The following PVT1 variants were observed in gnomAD, a reference collection of about 807,000 sequenced individuals.
The protein encoded by PVT1 is CXCR4/PVT1 fusion.
chr8:127,956,223 G>A (rs563720587), intron 3 of PVT1, among the ~76,000 whole-genome samples: 2 of 152,394 alleles, frequency 1.3e-5, no homozygotes, highest in South Asian at 4.1e-4. Context: ...TTGTTCCACA[G>A]GAAGGATGGT....
chr8:127,941,760 T>A (rs1055098955), intron 3 of PVT1, among the ~76,000 whole-genome samples: 2 of 152,258 alleles, frequency 1.3e-5, no homozygotes, highest in African/African-American at 4.8e-5. Flanking sequence ...TGCATGTCTT[T>A]CCAGGCCACA....
chr8:127,997,888 A>T (rs938545069), intron 4 of PVT1, among the ~76,000 whole-genome samples: 27 of 152,044 alleles, frequency 1.8e-4, no homozygotes, highest in African/African-American at 6.3e-4. Flanking sequence ...GCTTTCTCAG[A>T]CTCTCCTGGT....
intron 3 of PVT1, among the ~76,000 whole-genome samples, chr8:127,935,373 G>A (rs888760376): frequency 5.3e-5 from 8 of 152,046 alleles, no homozygotes; most frequent in Admixed American, 5.2e-4. Context: ...AGGGGTTTTT[G>A]TCTGCTTTTG....
chr8:127,882,293 C>G (rs980537764), intron 2 of PVT1, among the ~76,000 whole-genome samples: 1 of 152,088 alleles, frequency 6.6e-6, no homozygotes, highest in Non-Finnish European at 1.5e-5. Flanking sequence ...AAAAATAGAG[C>G]CTGTCAGCGG....
At chr8:127,843,240 C>A (rs1333960912) in intron 2 of PVT1, among the ~76,000 whole-genome samples, 1 of 151,770 alleles carries the variant, frequency 6.6e-6, no homozygotes, top group African/African-American at 2.4e-5. Flanking sequence ...CCTGTAATCC[C>A]AGCTACTCAG....
chr8:128,082,542 A>G (rs1586511914), intron 5 of PVT1, among the ~76,000 whole-genome samples: 2 of 152,192 alleles, frequency 1.3e-5, no homozygotes, highest in African/African-American at 4.8e-5. Flanking sequence ...GAACATCAAT[A>G]TGTTCAAAGG....
At chr8:127,948,184 G>A (rs994689570) in intron 3 of PVT1, 2 of 349,020 alleles carry the variant, frequency 5.7e-6, no homozygotes, top group East Asian at 7.4e-5. Context: ...AGTATTGTGC[G>A]GTGGCTGTGG....
At position 128,049,348 on chromosome 8, in the gene PVT1, C is replaced by T. The variant is rs1022444547; in HGVS notation, n.913-20812C>T. On this transcript the variant is annotated intron_variant and non_coding_transcript_variant, in intron 4 of 10. Transcript: ENST00000651587. ...AGGAAGGAAGGCGGGAGTGTGATGACGCATGCCCAGCTTTGCGCGGAGGCA... is the reference window on the plus strand; with the variant it reads ...AGGAAGGAAGGCGGGAGTGTGATGATGCATGCCCAGCTTTGCGCGGAGGCA... 52 of 352,146 alleles carry T rather than the reference C, an allele frequency of 1.5e-4. No individual in the cohort carries two copies. In the Admixed American group the frequency reaches 1.7e-3, roughly 12 times the overall value. The allele number at this position is 352,146 out of a possible 1,614,324, so 21.8% of individuals were successfully genotyped here. A position where few individuals can be genotyped will look rare whatever the true frequency, so the allele number is the denominator to read the frequency against.
At chr8:128,081,343 G>A (rs1194174915) in intron 5 of PVT1, among the ~76,000 whole-genome samples, 1 of 152,178 alleles carries the variant, frequency 6.6e-6, no homozygotes. Context: ...AAATAAAGGT[G>A]CTACAGACAT....
At chr8:128,092,940 C>T (rs994830324) in intron 5 of PVT1, among the ~76,000 whole-genome samples, 2 of 152,184 alleles carry the variant, frequency 1.3e-5, no homozygotes, top group African/African-American at 4.8e-5. Flanking sequence ...CTTCTTGCTG[C>T]GCACGGTGCC....
chr8:127,974,760 A>G (rs563434989), intron 3 of PVT1, among the ~76,000 whole-genome samples: 1 of 152,316 alleles, frequency 6.6e-6, no homozygotes, highest in Non-Finnish European at 1.5e-5. Flanking sequence ...TTGTATTTCC[A>G]AAGAATAGAT....
chr8:128,029,053 G>A (rs1399627277), intron 4 of PVT1, among the ~76,000 whole-genome samples: 1 of 151,954 alleles, frequency 6.6e-6, no homozygotes, highest in African/African-American at 2.4e-5. Flanking sequence ...ATGTTGCCCA[G>A]GCTGGCCTCA....
At chr8:127,912,781 C>T (rs1336532536) in intron 3 of PVT1, among the ~76,000 whole-genome samples, 1 of 152,018 alleles carries the variant, frequency 6.6e-6, no homozygotes, top group East Asian at 1.9e-4. Flanking sequence ...ACTGCAACCT[C>T]CACCTCCCGG....
chr8:127,971,811 C>T (rs561136547), intron 3 of PVT1, among the ~76,000 whole-genome samples: 4 of 152,270 alleles, frequency 2.6e-5, no homozygotes, highest in East Asian at 1.9e-4. Flanking sequence ...CTGTCACCAC[C>T]GGGACAGAAA....
At chr8:128,078,910 C>T (rs183290117) in intron 5 of PVT1, among the ~76,000 whole-genome samples, 2 of 152,096 alleles carry the variant, frequency 1.3e-5, no homozygotes, top group African/African-American at 4.8e-5. Context: ...CTCAGCACCC[C>T]CCGAGTAGCT....
intron 2 of PVT1, among the ~76,000 whole-genome samples, chr8:127,872,272 G>T (rs891250661): frequency 6.6e-6 from 1 of 151,804 alleles, no homozygotes; most frequent in African/African-American, 2.4e-5. Context: ...AAATAGCCGG[G>T]CTTGGTGGTG....
intron 4 of PVT1, among the ~76,000 whole-genome samples, chr8:128,032,598 G>A (rs774625256): frequency 1.3e-5 from 2 of 152,202 alleles, no homozygotes; most frequent in Non-Finnish European, 2.9e-5. Context: ...GTAACAAACT[G>A]CAGAATCTCA....
intron 3 of PVT1, among the ~76,000 whole-genome samples, chr8:127,968,542 T>C (rs987229087): frequency 6.6e-6 from 1 of 152,186 alleles, no homozygotes; most frequent in Non-Finnish European, 1.5e-5. Context: ...ATTATGTTCC[T>C]GTTAACTGAA....
chr8:128,046,278 A>G (rs1349425309), intron 4 of PVT1, among the ~76,000 whole-genome samples: 1 of 152,140 alleles, frequency 6.6e-6, no homozygotes, highest in Non-Finnish European at 1.5e-5. Context: ...TACTTATATT[A>G]ACTCATCCAG....
Sources: allele counts gnomAD v4.1 joint callset (sites outside exome capture counted in the v4.1 genomes callset), GRCh38; gene constraint gnomAD v4.1.1; transcripts MANE v1.5; gene names NCBI Gene and HGNC (gene_info 2026-07-23, HGNC 2026-07-21).